The following TTLL3 variants were observed in gnomAD, a reference collection of about 807,000 sequenced individuals.
The protein encoded by TTLL3 is tubulin monoglycylase TTLL3.
TTLL3 carries 63 observed loss-of-function variants against 75.2 expected under a neutral mutation model. That is an observed-to-expected ratio of 0.84 (90% confidence interval 0.68 to 1.03). The LOEUF is 1.03. Among genes scored for constraint, TTLL3 ranks in the 50% least tolerant of loss-of-function variants. TTLL3 has a pLI of 0.00. For synonymous variants in TTLL3, 393 were observed against 418.5 expected (o/e 0.94, Z 0.74); for missense variants, 997 against 1,069.9 (o/e 0.93, Z 0.95).
rs2079222555 is a variant in TTLL3 at position 9,810,344 on chromosome 3, AC to A, written c.-87del. 7.0e-7 allele frequency: 1 copy of A among 1,433,868 alleles called. No individual in the cohort carries two copies. Among genetic ancestry groups the A allele is most frequent in the Non-Finnish European group, 9.0e-7 (1 of 1,106,676 alleles). The allele number at this position is 1,433,868 out of a possible 1,614,324, so 88.8% of individuals were successfully genotyped here. On this transcript the variant is annotated 5_prime_UTR_variant, in exon 1 of 14. Coordinates refer to ENST00000685419, the MANE Select transcript of TTLL3 (RefSeq NM_001387446.1). The surrounding 1 kb of genome is among the most constrained non-coding windows in gnomAD (Gnocchi z 4.4). ...CACGCCCAGGGCGCCTCGGATACCC[AC>A]CCCCTCGGCCCCCCGCACACCCCGG... is the stretch of plus-strand genomic sequence containing the variant.
In TTLL3 at chr3:9,819,445, C is replaced by T. The variant is rs542981444; in HGVS notation, c.658+525C>T. The T allele has an allele frequency of 1.2e-5, 12 of 971,294 alleles. No individual in the cohort carries two copies. In the South Asian group the frequency reaches 1.8e-4, roughly 14 times the overall value. The allele number at this position is 971,294 out of a possible 1,614,324, so 60.2% of individuals were successfully genotyped here. ...CCCTCCCATGGGCCTGGCATGTAGC[C>T]GAGCACCCTGGAGAGGGCAGACTAA... On this transcript the variant is annotated intron_variant, in intron 7 of 13. Transcript: ENST00000685419.
chr3:9,832,985 C>T lies in TTLL3; in HGVS notation c.1684-119C>T, dbSNP rs112808495. On this transcript the variant is annotated intron_variant, in intron 11 of 13. Coordinates refer to ENST00000685419, the MANE Select transcript of TTLL3 (RefSeq NM_001387446.1). ...GGCTTTCCATTTCTCAGCTCAGAAA[C>T]GCCTCTTTGACCAGGTGCCTCAGAA... 3.1e-5 allele frequency: 39 copies of T among 1,246,398 alleles called. No individual in the cohort carries two copies. In the East Asian group the frequency reaches 8.0e-4, roughly 26 times the overall value. The allele number at this position is 1,246,398 out of a possible 1,614,324, so 77.2% of individuals were successfully genotyped here.
rs747839737 is a variant in TTLL3 at position 9,826,948 on chromosome 3, C to G, written c.1004-49C>G. ...AGCTCATGACAAGCTGGCCCTTCTC[C>G]TGGCCCACGCCTGACCTTCCAATCC... On this transcript the variant is annotated intron_variant, in intron 9 of 13. Transcript: ENST00000685419. 3 of 1,610,608 alleles carry G rather than the reference C, an allele frequency of 1.9e-6. No individual in the cohort carries two copies. The Admixed American group carries it at 5.0e-5, about 27-fold the overall frequency.
intron 7 of TTLL3, chr3:9,819,738 C>T: frequency 7.1e-6 from 7 of 985,484 alleles, no homozygotes; most frequent in Non-Finnish European, 7.2e-6. Context: ...GAAGCAGAGG[C>T]AGCTCTCCAG....
At chr3:9,818,256 G>A (rs752630568) in intron 6 of TTLL3, 34 of 165,646 alleles carry the variant, frequency 2.1e-4, no homozygotes, top group Non-Finnish European at 4.1e-4. Flanking sequence ...ATCAAAAGTA[G>A]GTGATGAACA....
At chr3:9,826,128 C>T (rs1051201837) in intron 9 of TTLL3, among the ~76,000 whole-genome samples, 180 bp downstream of exon 9, 1 of 152,208 alleles carries the variant, frequency 6.6e-6, no homozygotes, top group Non-Finnish European at 1.5e-5. Context: ...AACCTCAGTT[C>T]CCTCATCTGT....
At position 9,810,789 on chromosome 3, in the gene TTLL3, T is replaced by C. The variant is rs946057231; in HGVS notation, c.48+80T>C. ...CTCCCTGCGCTGTTTTCTTATATCC[T>C]TAAAAAACAAAAGCAAAAGAAAAAA... is the stretch of plus-strand genomic sequence containing the variant. On this transcript the variant is annotated intron_variant, in intron 2 of 13. Transcript: ENST00000685419. The surrounding 1 kb of genome is among the most constrained non-coding windows in gnomAD (Gnocchi z 4.4). 5 of 1,312,916 alleles carry C rather than the reference T, an allele frequency of 3.8e-6. No homozygotes were observed. Among genetic ancestry groups the C allele is most frequent in the South Asian group, 1.4e-5 (1 of 70,536 alleles). 81.3% of individuals were successfully genotyped at this position (1,312,916 alleles called of 1,614,324 possible).
chr3:9,835,220 T>C lies in TTLL3; in HGVS notation c.2179T>C (p.Cys727Arg). 1 of 1,614,064 alleles carries C rather than the reference T, an allele frequency of 6.2e-7. No individual in the cohort carries two copies. Among genetic ancestry groups the C allele is most frequent in the Non-Finnish European group, 8.5e-7 (1 of 1,179,938 alleles). Residue 727 changes from cysteine (C) to arginine (R), a missense_variant, in exon 14 of 14, where the codon TGT becomes CGT. Physicochemically the swap from Cys to Arg is radical, Grantham distance 180 (BLOSUM62 -3). Coordinates refer to ENST00000685419, the MANE Select transcript of TTLL3 (RefSeq NM_001387446.1). ...GCCAAAGGCAAATTCAAGGCCAGACTGTGACAAACCCAGGGCTGAGGCCTG... is the reference window on the plus strand; with the variant it reads ...GCCAAAGGCAAATTCAAGGCCAGACCGTGACAAACCCAGGGCTGAGGCCTG... Reference protein sequence around the residue: ...SRPKANSRPDCDKPRAEACPM... With the variant: ...SRPKANSRPDRDKPRAEACPM...
intron 9 of TTLL3, among the ~76,000 whole-genome samples, chr3:9,826,766 T>G (rs1356171257): frequency 6.6e-6 from 1 of 151,742 alleles, no homozygotes; most frequent in Non-Finnish European, 1.5e-5. Flanking sequence ...ACTTTAAATT[T>G]GTATCCATGT....
chr3:9,820,896 A>G, intron 8 of TTLL3, 155 bp downstream of exon 8: 1 of 1,325,920 alleles, frequency 7.5e-7, no homozygotes, highest in Non-Finnish European at 1.0e-6. Context: ...TGCCTCCGTG[A>G]TAGGGTCTGG....
chr3:9,835,689 G>A lies in TTLL3; in HGVS notation c.*200G>A, dbSNP rs1303663040. 2 of 556,094 alleles carry A rather than the reference G, an allele frequency of 3.6e-6. No individual in the cohort carries two copies. The highest frequency in any genetic ancestry group is 3.1e-6 in the Non-Finnish European group (1 of 327,468). 34.4% of individuals were successfully genotyped at this position (556,094 alleles called of 1,614,324 possible). ...TCACGTGGCAGTGAGTCGACGCAGG[G>A]ACATATTGCCAGAACTGCCGAGCAC... On this transcript the variant is annotated 3_prime_UTR_variant, in exon 14 of 14. Coordinates refer to ENST00000685419, the MANE Select transcript of TTLL3 (RefSeq NM_001387446.1).
At chr3:9,824,317 A>G (rs982159404) in intron 8 of TTLL3, among the ~76,000 whole-genome samples, 1 of 152,234 alleles carries the variant, frequency 6.6e-6, no homozygotes, top group African/African-American at 2.4e-5. Context: ...CTGTGGGTGG[A>G]GGAATCAGAC....
intron 10 of TTLL3, chr3:9,828,114 C>T (rs926622085): frequency 6.9e-6 from 1 of 144,390 alleles, no homozygotes; most frequent in Non-Finnish European, 1.5e-5. Flanking sequence ...TGCACTCCAG[C>T]CTGGGTGACA....
rs377250333 is a variant in TTLL3 at position 9,833,160 on chromosome 3, C to T, written c.1740C>T (p.Thr580=). The T allele has an allele frequency of 6.6e-5, 107 of 1,614,180 alleles. 1 individual carries two copies. In the African/African-American group the frequency reaches 1.3e-3, roughly 20 times the overall value. Residue 580 remains threonine (T), a synonymous_variant, in exon 12 of 14, where the codon ACC becomes ACT. Transcript: ENST00000685419. ...TCCGGCTCCTGGTAGAGGGCTTCAC[C>T]ATCAAGAAGCCCATGGCGATGTGTC... ...VGIRLLVEGF[T]IKKPMAMCHR...
intron 9 of TTLL3, 61 bp from the exon 10 acceptor site, chr3:9,826,936 C>G (rs977656296): frequency 6.7e-5 from 107 of 1,605,344 alleles, no homozygotes; most frequent in Non-Finnish European, 8.1e-5. Flanking sequence ...TCATGACAAG[C>G]TGGCCCTTCT....
chr3:9,825,557 G>A (rs2080951386), intron 8 of TTLL3: 2 of 588,174 alleles, frequency 3.4e-6, no homozygotes, highest in Non-Finnish European at 6.1e-6. Context: ...GGAGTAGGGG[G>A]TGGTTTGCAG....
intron 12 of TTLL3, 82 bp downstream of exon 12, chr3:9,833,327 C>G: frequency 6.4e-7 from 1 of 1,573,992 alleles, no homozygotes; most frequent in Non-Finnish European, 8.6e-7. Flanking sequence ...AGTGAGAAGC[C>G]AGTCTCCACT....
intron 11 of TTLL3, among the ~76,000 whole-genome samples, chr3:9,831,230 C>T (rs2081502617): frequency 6.6e-6 from 1 of 152,096 alleles, no homozygotes; most frequent in Non-Finnish European, 1.5e-5. Flanking sequence ...CTTTTGACCC[C>T]ATAGTTTTGA....
At chr3:9,828,643 C>T (rs1458694292) in intron 10 of TTLL3, 6 of 356,890 alleles carry the variant, frequency 1.7e-5, no homozygotes, top group Admixed American at 8.7e-5. Context: ...CTGGCGATGA[C>T]GGGGCCATAC....
Sources: allele counts gnomAD v4.1 joint callset (sites outside exome capture counted in the v4.1 genomes callset), GRCh38; gene constraint gnomAD v4.1.1; non-coding constraint Gnocchi (gnomAD v3.1); transcripts MANE v1.5; gene names NCBI Gene and HGNC (gene_info 2026-07-23, HGNC 2026-07-21).